UBE2E3: variants seen among roughly 807,000 people sequenced by gnomAD.
The protein encoded by UBE2E3 is ubiquitin conjugating enzyme E2 E3, also known as ubiquitin-conjugating enzyme E2 E3.
A neutral mutation model predicts 23.6 loss-of-function variants in UBE2E3; 5 were observed. The observed-to-expected ratio is 0.21, with a 90% confidence interval of 0.11 to 0.44. The LOEUF is 0.44. UBE2E3 is among the 20% of genes least tolerant of loss of function. The pLI is 0.99. For missense variants in UBE2E3, 81 were observed against 249.8 expected (o/e 0.32, Z 4.55); for synonymous variants, 78 against 87.5 (o/e 0.89, Z 0.60).
chr2:181,029,774 C>A (rs1180830255), intron 3 of UBE2E3, among the ~76,000 whole-genome samples: 2 of 136,086 alleles, frequency 1.5e-5, no homozygotes, highest in Non-Finnish European at 3.3e-5. Context: ...ATAAACTTGT[C>A]ATCTTTAATA....
chr2:181,000,935 G>C (rs1684971734), intron 3 of UBE2E3, among the ~76,000 whole-genome samples: 2 of 152,158 alleles, frequency 1.3e-5, no homozygotes, highest in Admixed American at 1.3e-4. Flanking sequence ...ATTAGCATTT[G>C]ATGTGTGTTT....
intron 3 of UBE2E3, among the ~76,000 whole-genome samples, chr2:181,016,034 A>C (rs1436098907): frequency 1.9e-5 from 2 of 104,650 alleles, no homozygotes; most frequent in Admixed American, 1.8e-4. Context: ...AGCTTTATAA[A>C]GTTATAGGAA....
intron 3 of UBE2E3, among the ~76,000 whole-genome samples, chr2:181,043,772 T>G (rs1467657951): frequency 6.6e-6 from 1 of 152,148 alleles, no homozygotes; most frequent in Non-Finnish European, 1.5e-5. Flanking sequence ...TGATTACTGG[T>G]GTGTATGTAT....
At position 181,043,235 on chromosome 2, in the gene UBE2E3, T is replaced by C. The variant is rs564164943; in HGVS notation, c.246-14458T>C. ...CATTGTATCCATGGTATGTTCTATT[T>C]TTTTACTAAATACTTACATGTGAAT... On this transcript the variant is annotated intron_variant, in intron 3 of 5. Coordinates refer to ENST00000410062, the MANE Select transcript of UBE2E3 (RefSeq NM_006357.4). Among the ~76,000 whole-genome samples the C allele has an allele frequency of 3.9e-5, 6 of 152,320 alleles. No individual in the cohort carries two copies. In the South Asian group the frequency reaches 1.2e-3, roughly 32 times the overall value.
chr2:181,016,591 A>C (rs1216676083), intron 3 of UBE2E3, among the ~76,000 whole-genome samples: 2 of 152,174 alleles, frequency 1.3e-5, no homozygotes, highest in East Asian at 3.8e-4. Flanking sequence ...TAAGTAATGG[A>C]GGTAGAATCC....
At chr2:180,995,909 C>T (rs183392803) in intron 3 of UBE2E3, among the ~76,000 whole-genome samples, 1 of 152,152 alleles carries the variant, frequency 6.6e-6, no homozygotes, top group East Asian at 1.9e-4. Context: ...TTCTCATCTC[C>T]TATTTGGTTA....
chr2:180,996,121 T>A (rs140209771), intron 3 of UBE2E3, among the ~76,000 whole-genome samples: 1 of 152,294 alleles, frequency 6.6e-6, no homozygotes, highest in East Asian at 1.9e-4. Flanking sequence ...AAAAAAAACT[T>A]CAGCTTAAAT....
At chr2:181,003,238 T>C (rs1182835488) in intron 3 of UBE2E3, among the ~76,000 whole-genome samples, 1 of 152,234 alleles carries the variant, frequency 6.6e-6, no homozygotes, top group African/African-American at 2.4e-5. Context: ...TGAAGTGTTA[T>C]TTGTTATGAG....
intron 2 of UBE2E3, among the ~76,000 whole-genome samples, chr2:180,983,204 G>A (rs1684356318): frequency 6.6e-6 from 1 of 152,132 alleles, no homozygotes; most frequent in African/African-American, 2.4e-5. Flanking sequence ...ATTCTGTGGT[G>A]ATTCATAAAT....
At chr2:181,029,625 A>G (rs1366438271) in intron 3 of UBE2E3, among the ~76,000 whole-genome samples, 1 of 144,744 alleles carries the variant, frequency 6.9e-6, no homozygotes, top group Non-Finnish European at 1.5e-5. Flanking sequence ...ATTTGCTTAT[A>G]CATTACATTC....
chr2:181,062,763 G>A (rs776137116), intron 5 of UBE2E3, 28 bp from the exon 6 acceptor site: 7 of 1,430,388 alleles, frequency 4.9e-6, no homozygotes, highest in Non-Finnish European at 5.9e-6. Context: ...CCACAAAATA[G>A]CTTTTAATGT....
At chr2:181,052,348 C>T (rs2105474627) in intron 3 of UBE2E3, among the ~76,000 whole-genome samples, 1 of 151,854 alleles carries the variant, frequency 6.6e-6, no homozygotes, top group East Asian at 1.9e-4. Flanking sequence ...CTTCCTCATC[C>T]TCTTTTTCTC....
At chr2:181,007,747 A>G (rs1464441101) in intron 3 of UBE2E3, among the ~76,000 whole-genome samples, 2 of 152,202 alleles carry the variant, frequency 1.3e-5, no homozygotes, top group South Asian at 2.1e-4. Flanking sequence ...GTTTCTGTCT[A>G]CACTAGTGCT....
At chr2:180,986,729 T>A (rs1444818907) in intron 3 of UBE2E3, among the ~76,000 whole-genome samples, 1 of 152,070 alleles carries the variant, frequency 6.6e-6, no homozygotes, top group Non-Finnish European at 1.5e-5. Context: ...CCATTACAGT[T>A]TTGAATATGA....
At chr2:181,023,056 A>C (rs1685758390) in intron 3 of UBE2E3, among the ~76,000 whole-genome samples, 1 of 152,238 alleles carries the variant, frequency 6.6e-6, no homozygotes, top group South Asian at 2.1e-4. Context: ...ATTTAGTAGA[A>C]ATCACATGCA....
chr2:181,057,787 A>G lies in UBE2E3; in HGVS notation c.340A>G (p.Ile114Val). Residue 114 changes from isoleucine (I) to valine (V), a missense_variant, in exon 4 of 6, where the codon ATC becomes GTC. Physicochemically the swap from Ile to Val is conservative, Grantham distance 29 (BLOSUM62 3). Coordinates refer to ENST00000410062, the MANE Select transcript of UBE2E3 (RefSeq NM_006357.4). ...TGAAGGTGGTGTGTTTTTTCTGGAT[A>G]TCACATTTTCATCAGATTATCCATT... The part of the protein sequence containing the change: ...VYEGGVFFLD[I>V]TFSSDYPFKP... The G allele has an allele frequency of 6.2e-7, 1 of 1,611,514 alleles. No individual in the cohort carries two copies. Among genetic ancestry groups the G allele is most frequent in the Non-Finnish European group, 8.5e-7 (1 of 1,178,470 alleles).
At chr2:180,996,848 C>T (rs984953084) in intron 3 of UBE2E3, among the ~76,000 whole-genome samples, 23 of 152,114 alleles carry the variant, frequency 1.5e-4, no homozygotes, top group African/African-American at 5.6e-4. Flanking sequence ...ATTTTTACTG[C>T]ATATGTAATT....
At chr2:181,001,742 G>A (rs1684996394) in intron 3 of UBE2E3, among the ~76,000 whole-genome samples, 1 of 152,140 alleles carries the variant, frequency 6.6e-6, no homozygotes, top group African/African-American at 2.4e-5. Context: ...ACCAGTTGTG[G>A]TGGTTATAGA....
At chr2:180,987,512 G>C (rs1051491000) in intron 3 of UBE2E3, 4 of 1,158,130 alleles carry the variant, frequency 3.5e-6, no homozygotes, top group Non-Finnish European at 3.6e-6. Context: ...ATATTTGGGG[G>C]TATTTGTATT....
Sources: allele counts gnomAD v4.1 joint callset (sites outside exome capture counted in the v4.1 genomes callset), GRCh38; gene constraint gnomAD v4.1.1; transcripts MANE v1.5; gene names NCBI Gene and HGNC (gene_info 2026-07-23, HGNC 2026-07-21).